The following DNAI1 variants were observed in gnomAD, a reference collection of about 807,000 sequenced individuals.
DNAI1 encodes the protein dynein, axonemal, intermediate polypeptide 1.
Under a neutral mutation model 92.0 loss-of-function variants are expected in DNAI1, and 67 were observed. That is an observed-to-expected ratio of 0.73 (90% confidence interval 0.60 to 0.89). The LOEUF (loss-of-function observed/expected upper bound fraction) is 0.89, where lower values mean the gene tolerates loss of function less well. Ranked by LOEUF, DNAI1 falls within the 40% of genes least tolerant of loss-of-function variation. DNAI1 has a pLI of 0.00. For synonymous variants in DNAI1, 323 were observed against 319.6 expected, an observed-to-expected ratio of 1.01 and a Z score of -0.11; for missense variants, 839 against 866.6, an observed-to-expected ratio of 0.97 and a Z score of 0.40.
intron 1 of DNAI1, among the ~76,000 whole-genome samples, chr9:34,475,590 A>G (rs1385578202): frequency 6.6e-6 from 1 of 152,188 alleles, no homozygotes; most frequent in African/African-American, 2.4e-5. Context: ...AGTGCACCAC[A>G]CTATGCACCT....
At chr9:34,486,685 A>C (rs1364839222) in intron 4 of DNAI1, among the ~76,000 whole-genome samples, 1 of 152,184 alleles carries the variant, frequency 6.6e-6, no homozygotes, top group African/African-American at 2.4e-5. Context: ...AGTGGCTTTT[A>C]GTACATTTAT....
chr9:34,492,493 G>GAGATTATATATATAT (rs1271867592), intron 8 of DNAI1, among the ~76,000 whole-genome samples: 2 of 68,258 alleles, frequency 2.9e-5, no homozygotes, highest in Non-Finnish European at 6.1e-5. Context: ...GGGATATGAA[G>GAGATTATATATATAT]ATATATATAT....
chr9:34,484,714 G>C (rs1824436993), intron 2 of DNAI1, among the ~76,000 whole-genome samples: 1 of 152,178 alleles, frequency 6.6e-6, no homozygotes, highest in Admixed American at 6.5e-5. Flanking sequence ...GGTGGTAGTT[G>C]GGAAGATAAA....
At chr9:34,519,124 G>A (rs1052230654) in intron 19 of DNAI1, among the ~76,000 whole-genome samples, 3 of 152,150 alleles carry the variant, frequency 2.0e-5, no homozygotes, top group Admixed American at 6.5e-5. Context: ...AGAGGTTCCC[G>A]TGAAATTGCC....
intron 1 of DNAI1, 49 bp downstream of exon 1, chr9:34,459,102 C>G (rs753360934): frequency 8.5e-6 from 13 of 1,521,096 alleles, no homozygotes; most frequent in Admixed American, 1.7e-5. Flanking sequence ...TTCGTCGTCG[C>G]CAGTGACCAC....
chr9:34,485,460 G>T lies in DNAI1; in HGVS notation c.204G>T (p.Arg68=), dbSNP rs1301833925. 6.2e-7 allele frequency: 1 copy of T among 1,614,000 alleles called. No individual in the cohort carries two copies. The highest frequency in any genetic ancestry group is 8.5e-7 in the Non-Finnish European group (1 of 1,180,048). The change falls in exon 4 of 20, where the codon CGG becomes CGT. Residue 68 remains arginine (R), a synonymous_variant. Transcript: ENST00000242317. ...AGGAGTTAAAGGAGGAGTTCACTCG[G>T]ATTTTGACAGCCAACAACCCACACG... ...TDAELKEEFT[R]ILTANNPHAP...
intron 1 of DNAI1, among the ~76,000 whole-genome samples, chr9:34,464,140 C>T (rs1032850695): frequency 6.6e-6 from 1 of 152,168 alleles, no homozygotes; most frequent in Non-Finnish European, 1.5e-5. Flanking sequence ...AATCGTCTCT[C>T]ACCAAAGAGT....
rs755100594 is a variant in DNAI1 at position 34,485,113 on chromosome 9, C to T, written c.82-29C>T. 3 of 1,611,918 alleles carry T rather than the reference C, an allele frequency of 1.9e-6. No individual in the cohort carries two copies. In the East Asian group the frequency reaches 6.7e-5, roughly 36 times the overall value. Reference sequence around the variant, plus strand: ...TGCTTGTCCAAGCAGAAAAGACACTCCCAAGCCTCATGTGAGGTTTTTGTC... The same window carrying T: ...TGCTTGTCCAAGCAGAAAAGACACTTCCAAGCCTCATGTGAGGTTTTTGTC... On this transcript the variant is annotated intron_variant, in intron 2 of 19. Transcript: ENST00000242317.
chr9:34,514,428 C>T lies in DNAI1; in HGVS notation c.1604C>T (p.Thr535Ile). 1 of 1,614,238 alleles carries T rather than the reference C, an allele frequency of 6.2e-7. No homozygotes were observed. The highest frequency in any genetic ancestry group is 8.5e-7 in the Non-Finnish European group (1 of 1,180,048). Reference protein sequence around the residue: ...SKSYSSQFLDTYDAHNMSVDT... With the variant: ...SKSYSSQFLDIYDAHNMSVDT... ...TCCTACTCCAGCCAATTCCTCGACA[C>T]CTATGACGCCCACAACATGTCAGTG... is the stretch of plus-strand genomic sequence containing the variant. Residue 535 changes from threonine (T) to isoleucine (I), a missense_variant, in exon 17 of 20, where the codon ACC (threonine) becomes ATC (isoleucine). By Grantham distance (89) the Thr-to-Ile change is moderately conservative. Transcript: ENST00000242317.
chr9:34,462,405 A>G (rs1181425323), intron 1 of DNAI1, among the ~76,000 whole-genome samples: 2 of 152,172 alleles, frequency 1.3e-5, no homozygotes, highest in Non-Finnish European at 2.9e-5. Context: ...TTCTTCTACA[A>G]AGGATTAAGT....
chr9:34,461,112 G>A (rs1298337771), intron 1 of DNAI1, among the ~76,000 whole-genome samples: 4 of 152,128 alleles, frequency 2.6e-5, no homozygotes, highest in Admixed American at 2.6e-4. Flanking sequence ...AAAGTGCTGG[G>A]ATTACAGGTG....
At chr9:34,514,329 C>T in intron 16 of DNAI1, 65 bp from the exon 17 acceptor site, 1 of 1,590,848 alleles carries the variant, frequency 6.3e-7, no homozygotes. Flanking sequence ...ATCCTCCAGA[C>T]CCCCAGGGAA....
chr9:34,465,156 G>A (rs80120041), intron 1 of DNAI1, among the ~76,000 whole-genome samples: 1 of 152,298 alleles, frequency 6.6e-6, no homozygotes, highest in East Asian at 1.9e-4. Flanking sequence ...AAGCTAAACT[G>A]AATTGAGCTA....
At chr9:34,507,931 T>A (rs1824975316) in intron 13 of DNAI1, among the ~76,000 whole-genome samples, 1 of 152,220 alleles carries the variant, frequency 6.6e-6, no homozygotes. Context: ...CCTGACTGTG[T>A]TTCCCATCAT....
At chr9:34,517,249 T>A (rs756883156) in intron 18 of DNAI1, 36 bp from the exon 19 acceptor site, 2 of 1,608,368 alleles carry the variant, frequency 1.2e-6, no homozygotes, top group Admixed American at 3.4e-5. Context: ...ACAGGCCTCA[T>A]TACCCCTGAG....
rs1564044545 is a variant in DNAI1, at chr9:34,517,481, G to A, written c.2001+14G>A. 1 of 1,614,192 alleles carries A rather than the reference G, an allele frequency of 6.2e-7. No individual in the cohort carries two copies. Among genetic ancestry groups the A allele is most frequent in the Non-Finnish European group, 8.5e-7 (1 of 1,180,022 alleles). ...AAGATGCCAAAGGTACAGGCTCTGG[G>A]ACTTTGAGCTGCTGCAAGACGTAAA... is the stretch of plus-strand genomic sequence containing the variant. On this transcript the variant is annotated intron_variant, in intron 19 of 19. Coordinates refer to ENST00000242317, the MANE Select transcript of DNAI1 (RefSeq NM_012144.4).
intron 1 of DNAI1, among the ~76,000 whole-genome samples, chr9:34,472,341 G>A (rs1283414820): frequency 6.6e-6 from 1 of 152,182 alleles, no homozygotes; most frequent in African/African-American, 2.4e-5. Flanking sequence ...CGTAGCAGAG[G>A]CAGGTATCCA....
At chr9:34,465,704 T>C (rs1368943981) in intron 1 of DNAI1, among the ~76,000 whole-genome samples, 1 of 152,256 alleles carries the variant, frequency 6.6e-6, no homozygotes, top group Non-Finnish European at 1.5e-5. Context: ...AGGGCTCCTG[T>C]GCTCGTTGCT....
chr9:34,502,873 A>G (rs1004134602), intron 12 of DNAI1, among the ~76,000 whole-genome samples: 1 of 152,106 alleles, frequency 6.6e-6, no homozygotes, highest in Non-Finnish European at 1.5e-5. Flanking sequence ...TGACATGGAA[A>G]GGCTGACAAC....
Sources: gnomAD v4.1 joint callset for allele counts (sites outside exome capture counted in the v4.1 genomes callset) on GRCh38, gnomAD v4.1.1 for gene constraint, MANE v1.5 for transcripts, NCBI Gene and HGNC (gene_info 2026-07-23, HGNC 2026-07-21) for gene names.